PIK3C2G: variants seen among roughly 807,000 people sequenced by gnomAD.
PIK3C2G encodes phosphatidylinositol-4-phosphate 3-kinase catalytic subunit type 2 gamma.
PIK3C2G carries 168 observed loss-of-function variants against 181.1 expected under a neutral mutation model. The ratio of observed to expected loss-of-function variants is 0.93; its 90% CI spans 0.82 to 1.05. The LOEUF is 1.05. Among genes scored for constraint, PIK3C2G ranks in the 50% least tolerant of loss-of-function variants. The probability of loss-of-function intolerance (pLI) is 0.00; values close to 1 mark genes in which losing one functional copy is unlikely to be tolerated. For synonymous variants in PIK3C2G, 573 were observed against 592.2 expected (o/e 0.97, Z 0.47); for missense variants, 1,869 against 1,732.8 (o/e 1.08, Z -1.40).
chr12:18,646,499 G>A (rs1320315034), intron 32 of PIK3C2G, among the ~76,000 whole-genome samples: 3 of 152,060 alleles, frequency 2.0e-5, no homozygotes, highest in Non-Finnish European at 4.4e-5. Context: ...AGATTGACCT[G>A]GAACTGAATT....
chr12:18,562,591 T>C (rs753813500), intron 26 of PIK3C2G, 112 bp from the exon 27 acceptor site: 5 of 636,644 alleles, frequency 7.9e-6, no homozygotes, highest in Non-Finnish European at 1.1e-5. Flanking sequence ...TAAACATACA[T>C]GGTTCTTGGC....
chr12:18,267,956 T>C (rs1948577809), intron 1 of PIK3C2G, among the ~76,000 whole-genome samples: 1 of 152,194 alleles, frequency 6.6e-6, no homozygotes, highest in African/African-American at 2.4e-5. Context: ...TGTAGAAAGC[T>C]AAGTGGCCAT....
At chr12:18,510,073 G>A (rs1011438109) in intron 24 of PIK3C2G, among the ~76,000 whole-genome samples, 27 of 151,958 alleles carry the variant, frequency 1.8e-4, no homozygotes, top group Admixed American at 1.6e-3. Flanking sequence ...GGACTCAGGC[G>A]ATCCTCCCAC....
At position 18,404,805 on chromosome 12, in the gene PIK3C2G, A is replaced by G. The variant is rs915348548; in HGVS notation, c.2315+4958A>G. Among the ~76,000 whole-genome samples, 106 of 152,284 alleles carry G rather than the reference A, an allele frequency of 7.0e-4. 1 individual carries two copies. Among genetic ancestry groups the G allele is most frequent in the Non-Finnish European group, 4.4e-5 (3 of 68,016 alleles). ...GGCATACCATGGAATTTTGTTAAGAACAGGAGTCATAAAATCAGATTTGTG... is the reference window on the plus strand; with the variant it reads ...GGCATACCATGGAATTTTGTTAAGAGCAGGAGTCATAAAATCAGATTTGTG... On this transcript the variant is annotated intron_variant, in intron 16 of 32. Transcript: ENST00000538779.
chr12:18,594,610 A>G (rs767265616), intron 30 of PIK3C2G, 41 bp downstream of exon 30: 5 of 1,009,506 alleles, frequency 5.0e-6, no homozygotes, highest in Non-Finnish European at 7.1e-6. Flanking sequence ...GTGATTTTCA[A>G]AATAATTGGA....
At chr12:18,492,840 C>A (rs1261899441) in intron 20 of PIK3C2G, among the ~76,000 whole-genome samples, 6 of 152,140 alleles carry the variant, frequency 3.9e-5, no homozygotes, top group African/African-American at 1.4e-4. Flanking sequence ...GGAGTCACCA[C>A]CCCTAGTGCT....
chr12:18,271,486 T>C (rs1366847917), intron 1 of PIK3C2G, among the ~76,000 whole-genome samples: 1 of 152,128 alleles, frequency 6.6e-6, no homozygotes, highest in Non-Finnish European at 1.5e-5. Context: ...TTCAGGGCAA[T>C]GAGATGTGAG....
At chr12:18,561,202 G>C (rs1945324352) in intron 26 of PIK3C2G, among the ~76,000 whole-genome samples, 2 of 152,204 alleles carry the variant, frequency 1.3e-5, no homozygotes, top group Admixed American at 6.5e-5. Context: ...TTAAAATTAA[G>C]TGAAGGTTAT....
chr12:18,532,867 A>T (rs914152944), intron 24 of PIK3C2G, among the ~76,000 whole-genome samples: 2 of 147,238 alleles, frequency 1.4e-5, no homozygotes, highest in African/African-American at 5.0e-5. Context: ...GAGTGGTTAC[A>T]ATCTAAAAGT....
chr12:18,708,962 C>T, the PIK3C2G span, among the ~76,000 whole-genome samples: 1 of 151,928 alleles, frequency 6.6e-6, no homozygotes, highest in Non-Finnish European at 1.5e-5. Context: ...TCATAGGCTG[C>T]CCTTTGATTT....
intron 6 of PIK3C2G, among the ~76,000 whole-genome samples, chr12:18,316,135 A>G (rs1950850397): frequency 6.6e-6 from 1 of 152,184 alleles, no homozygotes; most frequent in African/African-American, 2.4e-5. Context: ...ATAAAAATAA[A>G]AGAACTGAAA....
chr12:18,508,450 T>C (rs1592443293), intron 24 of PIK3C2G, among the ~76,000 whole-genome samples: 2 of 152,190 alleles, frequency 1.3e-5, no homozygotes, highest in East Asian at 1.9e-4. Flanking sequence ...TTTGTTCTTA[T>C]TGTTTTTTAG....
intron 15 of PIK3C2G, among the ~76,000 whole-genome samples, chr12:18,397,024 T>G (rs1241850710): frequency 1.3e-5 from 2 of 151,902 alleles, no homozygotes; most frequent in African/African-American, 4.8e-5. Context: ...TCATGTACTA[T>G]AAATTTACAG....
At chr12:18,500,385 G>C (rs970546218) in intron 22 of PIK3C2G, among the ~76,000 whole-genome samples, 7 of 152,200 alleles carry the variant, frequency 4.6e-5, no homozygotes, top group Non-Finnish European at 1.0e-4. Context: ...CTTCCCGCGG[G>C]GCAAGGCTCG....
intron 30 of PIK3C2G, among the ~76,000 whole-genome samples, chr12:18,597,197 G>A (rs114284514): frequency 6.6e-5 from 10 of 150,958 alleles, no homozygotes; most frequent in East Asian, 2.0e-4. Context: ...GAGAAAAATC[G>A]CAACATTGAA....
At chr12:18,386,891 G>T (rs1282056541) in intron 14 of PIK3C2G, among the ~76,000 whole-genome samples, 1 of 152,012 alleles carries the variant, frequency 6.6e-6, no homozygotes, top group Non-Finnish European at 1.5e-5. Flanking sequence ...CAATATCTGT[G>T]TAAGTGCACT....
chr12:18,540,470 A>G (rs961330625), intron 25 of PIK3C2G, among the ~76,000 whole-genome samples: 11 of 151,902 alleles, frequency 7.2e-5, no homozygotes, highest in African/African-American at 2.7e-4. Context: ...TCAGAAAGCT[A>G]TCAGTGGGCT....
At chr12:18,343,925 GA>G (rs1939396457) in intron 10 of PIK3C2G, among the ~76,000 whole-genome samples, 1 of 149,616 alleles carries the variant, frequency 6.7e-6, no homozygotes, top group Non-Finnish European at 1.5e-5. Flanking sequence ...GATTGCATGG[GA>G]CGGAGCAGTC....
intron 13 of PIK3C2G, among the ~76,000 whole-genome samples, chr12:18,379,898 C>T (rs747447171): frequency 2.8e-4 from 42 of 152,140 alleles, no homozygotes; most frequent in African/African-American, 8.0e-4. Context: ...CTCTCCCTCT[C>T]GAAAATCTTT....
Sources: allele counts gnomAD v4.1 joint callset (sites outside exome capture counted in the v4.1 genomes callset), GRCh38; gene constraint gnomAD v4.1.1; transcripts MANE v1.5; gene names NCBI Gene and HGNC (gene_info 2026-07-23, HGNC 2026-07-21).